USP15: variants seen among roughly 807,000 people sequenced by gnomAD.
USP15 encodes ubiquitin specific peptidase 15, also known as ubiquitin carboxyl-terminal hydrolase 15.
Under a neutral mutation model 127.1 loss-of-function variants are expected in USP15, and 18 were observed. The ratio of observed to expected loss-of-function variants is 0.14; its 90% CI spans 0.10 to 0.21. The LOEUF (loss-of-function observed/expected upper bound fraction) is 0.21, where lower values mean the gene tolerates loss of function less well. Ranked by LOEUF, USP15 falls within the 10% of genes least tolerant of loss-of-function variation. The pLI is 1.00. For synonymous variants in USP15, 364 were observed against 393.7 expected, an observed-to-expected ratio of 0.92 and a Z score of 0.89; for missense variants, 805 against 1,159.9, an observed-to-expected ratio of 0.69 and a Z score of 4.44.
chr12:62,392,416 T>G, intron 18 of USP15, 29 bp downstream of exon 18: 1 of 1,507,716 alleles, frequency 6.6e-7, no homozygotes, highest in South Asian at 1.2e-5. Context: ...TAATTGTTTT[T>G]GTTTTCTTTA....
chr12:62,279,570 G>A (rs2063590164), intron 1 of USP15, among the ~76,000 whole-genome samples: 1 of 151,960 alleles, frequency 6.6e-6, no homozygotes, highest in Non-Finnish European at 1.5e-5. Context: ...TCCATAGCCA[G>A]TGCACCATAT....
At chr12:62,350,542 C>A (rs1379854230) in intron 7 of USP15, among the ~76,000 whole-genome samples, 2 of 152,020 alleles carry the variant, frequency 1.3e-5, no homozygotes, top group East Asian at 3.9e-4. Context: ...GATTTATATT[C>A]TAAATATATC....
chr12:62,340,421 T>G (rs1448660753), intron 6 of USP15, among the ~76,000 whole-genome samples: 2 of 152,162 alleles, frequency 1.3e-5, no homozygotes, highest in Non-Finnish European at 2.9e-5. Flanking sequence ...GTTTCTTGTC[T>G]TCTGCTAGCT....
intron 1 of USP15, among the ~76,000 whole-genome samples, chr12:62,272,883 T>C (rs2063375525): frequency 6.6e-6 from 1 of 152,096 alleles, no homozygotes. Flanking sequence ...ATTTCACATG[T>C]ATTTGATCGT....
At chr12:62,335,506 C>T in intron 6 of USP15, 1 of 1,159,976 alleles carries the variant, frequency 8.6e-7, no homozygotes, top group Non-Finnish European at 1.1e-6. Flanking sequence ...TATCTCAATG[C>T]TTCCTGGTCC....
chr12:62,288,915 T>A (rs2063865541), intron 1 of USP15, among the ~76,000 whole-genome samples: 1 of 152,150 alleles, frequency 6.6e-6, no homozygotes, highest in Non-Finnish European at 1.5e-5. Flanking sequence ...ATGTTGAACT[T>A]CCTTTGCGTG....
At chr12:62,286,387 A>T (rs1268751589) in intron 1 of USP15, among the ~76,000 whole-genome samples, 1 of 152,194 alleles carries the variant, frequency 6.6e-6, no homozygotes, top group Non-Finnish European at 1.5e-5. Context: ...TTTTAGCAAG[A>T]TTGCAGAGAA....
At chr12:62,335,410 G>C in intron 6 of USP15, 3 of 1,385,520 alleles carry the variant, frequency 2.2e-6, no homozygotes, top group Non-Finnish European at 2.8e-6. Context: ...TAAAATTGTT[G>C]TACTTTACCT....
intron 8 of USP15, among the ~76,000 whole-genome samples, chr12:62,358,193 A>C (rs2066198665): frequency 6.6e-6 from 1 of 152,066 alleles, no homozygotes; most frequent in Non-Finnish European, 1.5e-5. Flanking sequence ...ATACTTTTTT[A>C]ATGTAAGCGT....
At chr12:62,282,959 A>G (rs1049540819) in intron 1 of USP15, among the ~76,000 whole-genome samples, 1 of 152,230 alleles carries the variant, frequency 6.6e-6, no homozygotes, top group Non-Finnish European at 1.5e-5. Flanking sequence ...TAACTGTAGT[A>G]TTAATGTTAT....
At chr12:62,319,904 A>G (rs1333771262) in intron 4 of USP15, among the ~76,000 whole-genome samples, 2 of 152,184 alleles carry the variant, frequency 1.3e-5, no homozygotes, top group Non-Finnish European at 2.9e-5. Context: ...ATTCATTTTT[A>G]TAGAAAGATT....
At chr12:62,283,234 G>A (rs779978295) in intron 1 of USP15, among the ~76,000 whole-genome samples, 7 of 152,136 alleles carry the variant, frequency 4.6e-5, no homozygotes, top group Non-Finnish European at 2.9e-5. Context: ...GAAGAGTACA[G>A]GAGAAAAAGC....
chr12:62,371,406 C>A lies in USP15; in HGVS notation c.916-10084C>A, dbSNP rs191705293. 3.5e-4 allele frequency among the ~76,000 whole-genome samples: 54 copies of A among 152,142 alleles called. No individual in the cohort carries two copies. In the East Asian group the frequency reaches 8.3e-3, roughly 23 times the overall value. ...TTATATCCCCAGTGTTAGTATAGTA[C>A]CAGATAATCGTAAGCACAGTAGAAC... On this transcript the variant is annotated intron_variant, in intron 8 of 21. Transcript: ENST00000280377.
chr12:62,297,566 A>G (rs922231594), intron 2 of USP15, among the ~76,000 whole-genome samples: 4 of 152,238 alleles, frequency 2.6e-5, no homozygotes, highest in African/African-American at 9.6e-5. Flanking sequence ...TCTGAAAAAA[A>G]AGGAAATCAA....
chr12:62,343,996 A>G (rs1337195516), intron 6 of USP15, among the ~76,000 whole-genome samples: 1 of 152,176 alleles, frequency 6.6e-6, no homozygotes, highest in Non-Finnish European at 1.5e-5. Flanking sequence ...AGGAGCTACA[A>G]GATGAGATTT....
intron 8 of USP15, among the ~76,000 whole-genome samples, chr12:62,376,035 A>G (rs374089522): frequency 6.6e-5 from 10 of 152,134 alleles, no homozygotes; most frequent in African/African-American, 2.2e-4. Context: ...CTCATGGATC[A>G]ACTTTTCATA....
intron 1 of USP15, among the ~76,000 whole-genome samples, chr12:62,284,982 A>G (rs189364277): frequency 5.6e-4 from 86 of 152,282 alleles, no homozygotes; most frequent in Non-Finnish European, 6.9e-4. Flanking sequence ...GAAATCATTC[A>G]AAAACCAATC....
chr12:62,315,838 G>A (rs961307858), intron 4 of USP15, among the ~76,000 whole-genome samples: 7 of 152,118 alleles, frequency 4.6e-5, no homozygotes, highest in South Asian at 2.1e-4. Flanking sequence ...CTTTTAACCC[G>A]TATTTTTTAT....
intron 1 of USP15, among the ~76,000 whole-genome samples, chr12:62,272,006 C>A (rs11830242): frequency 0.31 from 46,849 of 151,150 alleles, 7,512 homozygotes; most frequent in African/African-American, 0.39. Context: ...TTATTTGTTT[C>A]AGTTTTACTG....
Sources: allele counts gnomAD v4.1 joint callset (sites outside exome capture counted in the v4.1 genomes callset), GRCh38; gene constraint gnomAD v4.1.1; transcripts MANE v1.5; gene names NCBI Gene and HGNC (gene_info 2026-07-23, HGNC 2026-07-21).